Variants in KNL1 observed in about 807,000 individuals in gnomAD.
The protein encoded by KNL1 is kinetochore scaffold 1, also known as outer kinetochore KNL1 complex subunit KNL1.
A neutral mutation model predicts 201.3 loss-of-function variants in KNL1; 66 were observed. That is an observed-to-expected ratio of 0.33 (90% CI 0.27 to 0.40). The LOEUF is 0.40. Among genes scored for constraint, KNL1 ranks in the 10% least tolerant of loss-of-function variants. KNL1 has a pLI of 1.00. For synonymous variants in KNL1, 895 were observed against 899.2 expected (o/e 1.00, Z 0.08); for missense variants, 2,815 against 2,690.5 (o/e 1.05, Z -1.02).
Position 40,625,237 on chromosome 15 carries a change from C to T in KNL1, c.4973C>T (p.Pro1658Leu). The T allele has an allele frequency of 4.3e-6, 7 of 1,613,904 alleles. No individual in the cohort carries two copies. The highest frequency in any genetic ancestry group is 5.9e-6 in the Non-Finnish European group (7 of 1,179,912). ...CSLGIFLPRL[P>L]NKRNCSVTGI... ...TTGGGAATCTTTTTGCCTAGATTGC[C>T]CAACAAGAGAAATTGTAGTGTCACT... Residue 1658 changes from proline to leucine, a missense_variant, in exon 10 of 26, where the codon CCC becomes CTC. Physicochemically the swap from Pro to Leu is moderately conservative, Grantham distance 98. This residue lies in a region of KNL1 where 2,464 missense variants were observed against 2,291.7 expected (regional missense o/e 1.08). Coordinates refer to ENST00000399668, the MANE Select transcript of KNL1 (RefSeq NM_144508.5).
At chr15:40,630,717 G>C (rs4924487) in intron 13 of KNL1, among the ~76,000 whole-genome samples, 120,542 of 152,192 alleles carry the variant, frequency 0.79, 48,719 homozygotes, top group Non-Finnish European at 0.85. Context: ...TCCCCACCCC[G>C]AGATGGGACC....
At chr15:40,608,959 G>C (rs369384188) in intron 5 of KNL1, 51 bp downstream of exon 5, 271 of 1,243,096 alleles carry the variant, frequency 2.2e-4, no homozygotes, top group Non-Finnish European at 2.9e-4. Flanking sequence ...GGTATTTTGT[G>C]TATCAAACCA....
rs2141752282 is a variant in KNL1, at chr15:40,645,026, A to C, written c.5828A>C (p.Lys1943Thr). The C allele has an allele frequency of 1.2e-6, 2 of 1,611,982 alleles. No homozygotes were observed. The highest frequency in any genetic ancestry group is 4.5e-5 in the East Asian group (2 of 44,760). The change falls in exon 15 of 26, where the codon AAG becomes ACG. Residue 1943 changes from lysine (K) to threonine (T), a missense_variant. By Grantham distance (78) the Lys-to-Thr change is moderately conservative. This residue lies in a region of KNL1 where 2,464 missense variants were observed against 2,291.7 expected (regional missense o/e 1.08). Coordinates refer to ENST00000399668, the MANE Select transcript of KNL1 (RefSeq NM_144508.5). ...ELKLSASNQD[K>T]LLVDINKNLW... ...AAGCTTTCTGCATCGAACCAAGATA[A>C]GCTGTTGGTTGATATAAATAAGAAC...
At chr15:40,639,743 C>T (rs972837615) in intron 13 of KNL1, among the ~76,000 whole-genome samples, 8 of 151,712 alleles carry the variant, frequency 5.3e-5, no homozygotes, top group African/African-American at 1.5e-4. Context: ...CATTACATTG[C>T]AGCCTAGGTG....
intron 10 of KNL1, among the ~76,000 whole-genome samples, chr15:40,627,756 C>CT (rs1014515252): frequency 1.3e-5 from 2 of 152,104 alleles, no homozygotes; most frequent in African/African-American, 4.8e-5. Flanking sequence ...TGTGGTTGCC[C>CT]TGCTGTTGGT....
intron 10 of KNL1, among the ~76,000 whole-genome samples, chr15:40,626,426 C>A (rs1892755656): frequency 6.6e-6 from 1 of 151,694 alleles, no homozygotes; most frequent in Admixed American, 6.6e-5. Context: ...CCACCTTGGC[C>A]TGCCAAAGTC....
At chr15:40,608,534 T>G (rs1892049408) in intron 4 of KNL1, among the ~76,000 whole-genome samples, 1 of 149,412 alleles carries the variant, frequency 6.7e-6, no homozygotes, top group Middle Eastern at 3.2e-3. Flanking sequence ...TCACCTGAGG[T>G]CGGGAGTTCG....
chr15:40,648,568 T>C (rs1157168283), intron 17 of KNL1, among the ~76,000 whole-genome samples: 1 of 152,208 alleles, frequency 6.6e-6, no homozygotes, highest in Non-Finnish European at 1.5e-5. Flanking sequence ...TCTTTGAGGC[T>C]CTCTTAACAA....
intron 17 of KNL1, among the ~76,000 whole-genome samples, chr15:40,649,801 C>T (rs573561731): frequency 3.3e-4 from 50 of 152,304 alleles, no homozygotes; most frequent in African/African-American, 6.5e-4. Context: ...CTACATACTA[C>T]GTTCTCTTTC....
intron 14 of KNL1, among the ~76,000 whole-genome samples, chr15:40,642,649 A>G (rs1169040604): frequency 6.6e-6 from 1 of 152,122 alleles, no homozygotes; most frequent in Non-Finnish European, 1.5e-5. Context: ...TTTTAATGAG[A>G]CAGAGTCTCG....
chr15:40,631,603 C>T (rs1892913167), intron 13 of KNL1, among the ~76,000 whole-genome samples: 1 of 152,038 alleles, frequency 6.6e-6, no homozygotes, highest in South Asian at 2.1e-4. Context: ...GCATGAGCCA[C>T]CGTGCCCAGC....
chr15:40,660,987 G>A (rs7175747), intron 25 of KNL1, among the ~76,000 whole-genome samples: 54,730 of 152,082 alleles, frequency 0.36, 10,540 homozygotes, highest in Non-Finnish European at 0.44. Context: ...TGTGGAACCA[G>A]CCCTAAAAAT....
At chr15:40,639,679 T>A (rs575803180) in intron 13 of KNL1, among the ~76,000 whole-genome samples, 62 of 151,500 alleles carry the variant, frequency 4.1e-4, no homozygotes, top group Middle Eastern at 6.8e-3. Context: ...CAGGCTGAGG[T>A]TGGGGGACTG....
intron 13 of KNL1, among the ~76,000 whole-genome samples, chr15:40,632,044 A>C (rs1892924850): frequency 6.6e-6 from 1 of 151,730 alleles, no homozygotes; most frequent in South Asian, 2.1e-4. Flanking sequence ...CAAAAGCTAT[A>C]CTTTGAAAAG....
At chr15:40,638,207 A>G (rs1595936813) in intron 13 of KNL1, among the ~76,000 whole-genome samples, 1 of 123,374 alleles carries the variant, frequency 8.1e-6, no homozygotes, top group African/African-American at 3.1e-5. Context: ...AAAGAGAGAG[A>G]GAGGGAGGGA....
At chr15:40,641,267 G>A (rs182621158) in intron 14 of KNL1, among the ~76,000 whole-genome samples, 49 of 152,254 alleles carry the variant, frequency 3.2e-4, no homozygotes, top group African/African-American at 1.2e-3. Flanking sequence ...AATCCTTAAA[G>A]TGAGGATAAT....
chr15:40,610,201 A>G, intron 5 of KNL1, 44 bp from the exon 6 acceptor site: 1 of 1,032,908 alleles, frequency 9.7e-7, no homozygotes, highest in Non-Finnish European at 1.5e-6. Flanking sequence ...AAAGATAATG[A>G]TTACAAATTG....
At chr15:40,604,630 C>A (rs1891916431) in intron 2 of KNL1, among the ~76,000 whole-genome samples, 1 of 152,194 alleles carries the variant, frequency 6.6e-6, no homozygotes, top group Non-Finnish European at 1.5e-5. Flanking sequence ...CACTGGGCTC[C>A]TATTCTTGTT....
Position 40,625,180 on chromosome 15 carries a change from C to G in KNL1, c.4916C>G (p.Thr1639Arg). The G allele has an allele frequency of 6.2e-7, 1 of 1,613,978 alleles. No individual in the cohort carries two copies. Among genetic ancestry groups the G allele is most frequent in the Non-Finnish European group, 8.5e-7 (1 of 1,179,946 alleles). Residue 1639 changes from threonine to arginine, a missense_variant, in exon 10 of 26, where the codon ACA becomes AGA. By Grantham distance (71) the Thr-to-Arg change is moderately conservative (BLOSUM62 -1). Coordinates refer to ENST00000399668, the MANE Select transcript of KNL1 (RefSeq NM_144508.5). ...GAAACCACCTCTCTACCGCCAAAGA[C>G]AGTTTTTAAAGATAAAGTAAGGAGA... The part of the protein sequence containing the change: ...GAETTSLPPK[T>R]VFKDKVRRCS...
Sources: gnomAD v4.1 joint callset for allele counts (sites outside exome capture counted in the v4.1 genomes callset) on GRCh38, gnomAD v4.1.1 for gene constraint, gnomAD v4.1.1 regional missense constraint, MANE v1.5 for transcripts, NCBI Gene and HGNC (gene_info 2026-07-23, HGNC 2026-07-21) for gene names.